The following CASQ2 variants were observed in gnomAD, a reference collection of about 807,000 sequenced individuals.
The protein encoded by CASQ2 is calsequestrin-2.
In CASQ2, 49 loss-of-function variants were observed where a neutral mutation model predicts 46.5. That is an observed-to-expected ratio of 1.05 (90% CI 0.84 to 1.34). CASQ2 has a LOEUF of 1.34. CASQ2 is among the 40% of genes most tolerant of loss of function. The pLI is 0.00. For missense variants in CASQ2, 486 were observed against 481.3 expected (o/e 1.01, Z -0.09); for synonymous variants, 174 against 168.5 (o/e 1.03, Z -0.25).
chr1:115,706,971 C>G (rs1224249978), intron 8 of CASQ2, among the ~76,000 whole-genome samples: 1 of 152,000 alleles, frequency 6.6e-6, no homozygotes, highest in Admixed American at 6.5e-5. Flanking sequence ...ACTGAAGATT[C>G]AGGCTGAGCC....
intron 3 of CASQ2, among the ~76,000 whole-genome samples, chr1:115,740,032 G>T (rs906596814): frequency 1.3e-5 from 2 of 152,078 alleles, no homozygotes; most frequent in Non-Finnish European, 2.9e-5. Flanking sequence ...CTTCCCTCTG[G>T]TTTTTGACAC....
At chr1:115,707,159 G>A (rs555953925) in intron 8 of CASQ2, among the ~76,000 whole-genome samples, 2 of 152,054 alleles carry the variant, frequency 1.3e-5, no homozygotes, top group Non-Finnish European at 2.9e-5. Flanking sequence ...TAAAACTACA[G>A]GTGTGTGCCA....
At chr1:115,714,425 G>A (rs1654638475) in intron 8 of CASQ2, among the ~76,000 whole-genome samples, 1 of 152,100 alleles carries the variant, frequency 6.6e-6, no homozygotes, top group African/African-American at 2.4e-5. Flanking sequence ...ATTACAGAGT[G>A]GCTTTAGGTG....
At chr1:115,744,096 A>C (rs1648298537) in intron 2 of CASQ2, among the ~76,000 whole-genome samples, 1 of 151,702 alleles carries the variant, frequency 6.6e-6, no homozygotes, top group Non-Finnish European at 1.5e-5. Flanking sequence ...GTGAGCTGAA[A>C]TCACATCACG....
chr1:115,766,701 T>C (rs1649141832), intron 1 of CASQ2, among the ~76,000 whole-genome samples: 1 of 152,098 alleles, frequency 6.6e-6, no homozygotes, highest in Non-Finnish European at 1.5e-5. Flanking sequence ...TCAAATTAAC[T>C]CCTGTGGTGA....
intron 7 of CASQ2, among the ~76,000 whole-genome samples, chr1:115,720,199 C>A (rs759577164): frequency 7.2e-5 from 11 of 152,086 alleles, no homozygotes; most frequent in East Asian, 1.9e-4. Flanking sequence ...AGCTTATAAA[C>A]AACAGAAATT....
chr1:115,701,291 T>G lies in CASQ2; in HGVS notation c.1150A>C (p.Asn384His), dbSNP rs772619751. ...TCATCATTATCCTCTTCATCAGAAT[T>G]ATCATCATCATCATCATCTTCATCA... Reference protein sequence around the residue: ...DDDEDDDDDDNSDEEDNDDSD... With the variant: ...DDDEDDDDDDHSDEEDNDDSD... Residue 384 changes from asparagine to histidine, a missense_variant, in exon 11 of 11, where the codon AAT (asparagine) becomes CAT (histidine). By Grantham distance (68) the Asn-to-His change is moderately conservative. Coordinates refer to ENST00000261448, the MANE Select transcript of CASQ2 (RefSeq NM_001232.4). The G allele has an allele frequency of 4.4e-6, 7 of 1,594,366 alleles. No homozygotes were observed. Among genetic ancestry groups the G allele is most frequent in the Non-Finnish European group, 6.0e-6 (7 of 1,162,370 alleles).
At chr1:115,730,855 A>T (rs1349619140) in intron 5 of CASQ2, among the ~76,000 whole-genome samples, 1 of 152,112 alleles carries the variant, frequency 6.6e-6, no homozygotes, top group East Asian at 1.9e-4. Context: ...GGTCCCTCTG[A>T]GATTCCCTAG....
At chr1:115,747,950 T>C (rs1648444586) in intron 1 of CASQ2, among the ~76,000 whole-genome samples, 1 of 152,200 alleles carries the variant, frequency 6.6e-6, no homozygotes, top group African/African-American at 2.4e-5. Context: ...TATCTTTACT[T>C]ACTGCACTGG....
chr1:115,719,652 C>T (rs1025926679), intron 7 of CASQ2, among the ~76,000 whole-genome samples: 10 of 152,280 alleles, frequency 6.6e-5, no homozygotes, highest in South Asian at 4.1e-4. Context: ...AGCAGGCCAG[C>T]GCTAGGTGCC....
chr1:115,736,751 C>A (rs558314046), intron 4 of CASQ2, among the ~76,000 whole-genome samples: 2 of 151,986 alleles, frequency 1.3e-5, no homozygotes, highest in Non-Finnish European at 2.9e-5. Context: ...TTTTGTACAC[C>A]ATACTAGCCA....
In CASQ2 at chr1:115,768,519, A is replaced by G. The variant is rs1553197935; in HGVS notation, c.23T>C (p.Ile8Thr). The G allele has an allele frequency of 6.2e-7, 1 of 1,612,798 alleles. No homozygotes were observed. Among genetic ancestry groups the G allele is most frequent in the Non-Finnish European group, 8.5e-7 (1 of 1,178,758 alleles). The part of the protein sequence containing the change: MKRTHLF[I>T]VGIYFLSSCR... The stretch of plus-strand genomic sequence containing the variant: ...AGAGGACAGAAAATAAATCCCCACA[A>G]TAAACAAGTGAGTTCTCTTCATTTG... The change falls in exon 1 of 11, where the codon ATT becomes ACT. Residue 8 changes from isoleucine to threonine, a missense_variant. Transcript: ENST00000261448.
rs566621444 is a variant in CASQ2 at position 115,743,098 on chromosome 1, G to A, written c.319+1730C>T. On this transcript the variant is annotated intron_variant, in intron 2 of 10. Coordinates refer to ENST00000261448, the MANE Select transcript of CASQ2 (RefSeq NM_001232.4). The stretch of plus-strand genomic sequence containing the variant: ...AGCCATTAAACTGTTTTTGACTCTA[G>A]GGAAAGAGTTTAACATATTTTGCTC... 1.4e-4 allele frequency among the ~76,000 whole-genome samples: 22 copies of A among 152,154 alleles called. No homozygotes were observed. The East Asian group carries it at 2.1e-3, about 15-fold the overall frequency.
intron 7 of CASQ2, among the ~76,000 whole-genome samples, chr1:115,723,452 T>C (rs1275749363): frequency 6.6e-6 from 1 of 152,214 alleles, no homozygotes; most frequent in Non-Finnish European, 1.5e-5. Context: ...GAAATTATTT[T>C]AGGGTAAAAA....
At chr1:115,703,057 C>G in intron 9 of CASQ2, 62 bp from the exon 10 acceptor site, 1 of 1,299,832 alleles carries the variant, frequency 7.7e-7, no homozygotes, top group South Asian at 1.2e-5. Context: ...TAAGGACCCA[C>G]CCGCCGTCCC....
intron 8 of CASQ2, among the ~76,000 whole-genome samples, chr1:115,710,661 C>T (rs552502673): frequency 2.0e-5 from 3 of 152,278 alleles, no homozygotes; most frequent in Admixed American, 6.5e-5. Flanking sequence ...AAGCCCTCGC[C>T]TCCCAGCAGC....
At chr1:115,751,671 T>TAAA (rs10542263) in intron 1 of CASQ2, among the ~76,000 whole-genome samples, 3 of 148,496 alleles carry the variant, frequency 2.0e-5, no homozygotes, top group African/African-American at 7.5e-5. Context: ...GCCTCCATCT[T>TAAA]AAAAAAAAAA....
chr1:115,711,798 G>A (rs967580883), intron 8 of CASQ2, among the ~76,000 whole-genome samples: 6 of 152,000 alleles, frequency 3.9e-5, no homozygotes, highest in African/African-American at 1.4e-4. Flanking sequence ...GGGACTACAG[G>A]TGCATGCTAC....
rs544665474 is a variant in CASQ2, at chr1:115,739,551, A to T, written c.420+1177T>A. ...GGACAGATTTGCTGAAGGCTTTGGG[A>T]AAAGTTCTTTACTCTTAAAAGGGCA... On this transcript the variant is annotated intron_variant, in intron 3 of 10. Transcript: ENST00000261448. Among the ~76,000 whole-genome samples the T allele has an allele frequency of 2.6e-5, 4 of 152,318 alleles. No homozygotes were observed. The South Asian group carries it at 8.3e-4, about 32-fold the overall frequency.
Sources: allele counts gnomAD v4.1 joint callset (sites outside exome capture counted in the v4.1 genomes callset), GRCh38; gene constraint gnomAD v4.1.1; transcripts MANE v1.5; gene names NCBI Gene and HGNC (gene_info 2026-07-23, HGNC 2026-07-21).